Variants in RNF126 observed in about 807,000 individuals in gnomAD.
RNF126 encodes the protein E3 ubiquitin-protein ligase RNF126.
RNF126 carries 20 observed loss-of-function variants against 41.9 expected under a neutral mutation model. That is an observed-to-expected ratio of 0.48 (90% CI 0.34 to 0.69). The LOEUF (loss-of-function observed/expected upper bound fraction) is 0.69. RNF126 is among the 30% of genes least tolerant of loss of function. RNF126 has a pLI of 0.01. For missense variants in RNF126, 433 were observed against 460.6 expected, an observed-to-expected ratio of 0.94 and a Z score of 0.55; for synonymous variants, 239 against 202.9, an observed-to-expected ratio of 1.18 and a Z score of -1.51.
Position 659,397 on chromosome 19 carries a change from C to T in RNF126, c.75+3650G>A, listed in dbSNP as rs374348740. 6.6e-6 allele frequency among the ~76,000 whole-genome samples: 1 copy of T among 152,148 alleles called. No homozygotes were observed. Among genetic ancestry groups the T allele is most frequent in the Admixed American group, 6.5e-5 (1 of 15,284 alleles). ...ACCGTGGGCGGCAGGGCCCAGCACC[C>T]CCACCGTCCTCTCACCGCCACTTGG... On this transcript the variant is annotated intron_variant, in intron 1 of 8. Coordinates refer to ENST00000292363, the MANE Select transcript of RNF126 (RefSeq NM_194460.3). This position sits in a 1 kb window ranked among gnomAD's most constrained non-coding sequence, Gnocchi z 4.9.
chr19:655,730 C>G (rs372731683), intron 1 of RNF126, among the ~76,000 whole-genome samples: 1 of 152,094 alleles, frequency 6.6e-6, no homozygotes, highest in East Asian at 1.9e-4. Flanking sequence ...ACCTGCCCAC[C>G]AAATGTTCAC....
Position 648,364 on chromosome 19 carries a change from G to GGCCC in RNF126, c.786+7_786+8insGGGC. 1 of 510,398 alleles carries GGCCC rather than the reference G, an allele frequency of 2.0e-6. No homozygotes were observed. The highest frequency in any genetic ancestry group is 3.6e-6 in the Non-Finnish European group (1 of 278,282). 31.6% of individuals were successfully genotyped at this position (510,398 alleles called of 1,614,324 possible). ...CGGGGTGGGGGGGCGGGTGGGCGGG[G>GGCCC]CACTCACCTGCTCCAGCCAGGGCAC... On this transcript the variant is annotated splice_region_variant and intron_variant, in intron 8 of 8. Transcript: ENST00000292363.
chr19:652,535 AG>A (rs900450646), intron 2 of RNF126: 20 of 602,110 alleles, frequency 3.3e-5, no homozygotes, highest in Non-Finnish European at 5.0e-5. Flanking sequence ...GAATGTGGGT[AG>A]GGCCCCCGTG....
At chr19:662,075 T>C (rs951136896) in intron 1 of RNF126, among the ~76,000 whole-genome samples, 5 of 152,126 alleles carry the variant, frequency 3.3e-5, no homozygotes, top group African/African-American at 1.2e-4. Context: ...TCCCAGCGTT[T>C]TGGGAGGCTG....
Position 659,703 on chromosome 19 carries a change from A to ACACGCCC in RNF126, c.75+3337_75+3343dup, listed in dbSNP as rs2030712362. On this transcript the variant is annotated intron_variant, in intron 1 of 8. Coordinates refer to ENST00000292363, the MANE Select transcript of RNF126 (RefSeq NM_194460.3). The surrounding 1 kb of genome is among the most constrained non-coding windows in gnomAD (Gnocchi z 4.9). ...GCTGGCCTGTCTGGTTCCTGCCGCC[A>ACACGCCC]CACGCCCCACTCTGGCTGACGCTCC... Among the ~76,000 whole-genome samples, 1 of 150,444 alleles carries ACACGCCC rather than the reference A, an allele frequency of 6.6e-6. No homozygotes were observed. Among genetic ancestry groups the ACACGCCC allele is most frequent in the Non-Finnish European group, 1.5e-5 (1 of 67,784 alleles).
At chr19:657,666 C>T (rs3787004) in intron 1 of RNF126, among the ~76,000 whole-genome samples, 59,033 of 152,158 alleles carry the variant, frequency 0.39, 13,620 homozygotes, top group Middle Eastern at 0.54. Flanking sequence ...ATCTGAAATC[C>T]GGGTGCCATC....
intron 1 of RNF126, among the ~76,000 whole-genome samples, chr19:661,728 G>C (rs574827867): frequency 6.6e-6 from 1 of 152,172 alleles, no homozygotes; most frequent in African/African-American, 2.4e-5. Context: ...CTGCTTCTGG[G>C]GGGCTTGGAC....
intron 6 of RNF126, 45 bp downstream of exon 6, chr19:649,634 C>T: frequency 6.7e-7 from 1 of 1,491,242 alleles, no homozygotes; most frequent in Non-Finnish European, 9.1e-7. Flanking sequence ...GGTGGGCAGC[C>T]CAGCCCTCCC....
chr19:658,786 C>T (rs1190251406), intron 1 of RNF126, among the ~76,000 whole-genome samples: 1 of 152,232 alleles, frequency 6.6e-6, no homozygotes, highest in Non-Finnish European at 1.5e-5. Context: ...CGAACTCTGC[C>T]TTCTTCTTCC....
At chr19:652,566 T>TTA in intron 2 of RNF126, 1 of 604,142 alleles carries the variant, frequency 1.7e-6, no homozygotes, top group East Asian at 2.8e-5. Flanking sequence ...CCGGAGGGCC[T>TTA]GGGTCACCAG....
chr19:652,883 T>C lies in RNF126; in HGVS notation c.77A>G (p.Asp26Gly). The change falls in exon 2 of 9, where the codon GAT (aspartate) becomes GGT (glycine). Residue 26 changes from aspartate to glycine, a missense_variant and splice_region_variant. By Grantham distance (94) the Asp-to-Gly change is moderately conservative. This residue lies in a region of RNF126 where 247 missense variants were observed against 224.7 expected (regional missense o/e 1.10). Transcript: ENST00000292363. ...AGACTCGCATCTTGGACAGATATAA[T>C]CCTGCAGGAGAGAACAGGAGGCCGG... ...CSVEIVPRLP[D>G]YICPRCESGF... is the part of the protein sequence containing the mutation. 1 of 1,612,466 alleles carries C rather than the reference T, an allele frequency of 6.2e-7. No homozygotes were observed. Among genetic ancestry groups the C allele is most frequent in the Non-Finnish European group, 8.5e-7 (1 of 1,179,486 alleles).
At chr19:650,890 C>T (rs2030243922) in intron 4 of RNF126, among the ~76,000 whole-genome samples, 2 of 152,076 alleles carry the variant, frequency 1.3e-5, no homozygotes, top group Admixed American at 1.3e-4. Context: ...CCTCACCCAG[C>T]CTCAGCTACT....
intron 5 of RNF126, 150 bp downstream of exon 5, chr19:650,084 C>T (rs1336255551): frequency 1.4e-6 from 1 of 718,240 alleles, no homozygotes; most frequent in South Asian, 1.8e-5. Context: ...ACAGGCACCC[C>T]CTCCTACTCA....
At chr19:652,772 A>G (rs1470944631) in intron 2 of RNF126, 54 bp downstream of exon 2, 2 of 1,554,520 alleles carry the variant, frequency 1.3e-6, no homozygotes, top group South Asian at 1.1e-5. Flanking sequence ...ACACCCCTAC[A>G]ACAGCTGAGG....
rs61754469 is a variant in RNF126, at chr19:651,684, C to T, written c.370G>A (p.Ala124Thr). 0.019 allele frequency: 29,377 copies of T among 1,580,390 alleles called. 340 individuals are homozygous for T. Among genetic ancestry groups the T allele is most frequent in the Non-Finnish European group, 0.022 (25,369 of 1,165,368 alleles). The stretch of plus-strand genomic sequence containing the variant: ...GTGAGGCGGGCGCGGGGCTGTCGGG[C>T]GCCGTACCGGTGCCGGGACGGATGG... ...RDHPSRHRYG[A>T]RQPRARLTTR... The change falls in exon 4 of 9, where the codon GCC (alanine) becomes ACC (threonine). Residue 124 changes from alanine to threonine, a missense_variant. Physicochemically the swap from Ala to Thr is moderately conservative, Grantham distance 58. Around this residue, in one of 5 missense-constraint regions of RNF126, gnomAD observed 247 missense variants for 224.7 expected, o/e 1.10. Coordinates refer to ENST00000292363, the MANE Select transcript of RNF126 (RefSeq NM_194460.3).
rs947448445 is a variant in RNF126, at chr19:650,310, C to T, written c.444-14G>A. On this transcript the variant is annotated splice_polypyrimidine_tract_variant and intron_variant, in intron 4 of 8. Transcript: ENST00000292363. ...TGCTGGATGATCCTGGAAAAGAGAGCGCCAGTCACGGGGTGAGGCCGCCCC... is the reference window on the plus strand; with the variant it reads ...TGCTGGATGATCCTGGAAAAGAGAGTGCCAGTCACGGGGTGAGGCCGCCCC... 21 of 1,570,690 alleles carry T rather than the reference C, an allele frequency of 1.3e-5. No individual in the cohort carries two copies. Among genetic ancestry groups the T allele is most frequent in the Non-Finnish European group, 1.6e-5 (19 of 1,158,086 alleles).
chr19:648,953 G>A lies in RNF126; in HGVS notation c.599C>T (p.Thr200Ile). Reference protein sequence around the residue: ...ITQLLNQFENTGPPPADKEKI... With the variant: ...ITQLLNQFENIGPPPADKEKI... Reference sequence around the variant, plus strand: ...CTCTTTATCTGCCGGTGGGGGGCCTGTGTTTTCAAACTGATTGAGGAGCTG... The same window carrying A: ...CTCTTTATCTGCCGGTGGGGGGCCTATGTTTTCAAACTGATTGAGGAGCTG... Residue 200 changes from threonine (T) to isoleucine (I), a missense_variant, in exon 7 of 9, where the codon ACA (threonine) becomes ATA (isoleucine). By Grantham distance (89) the Thr-to-Ile change is moderately conservative (BLOSUM62 -1). Coordinates refer to ENST00000292363, the MANE Select transcript of RNF126 (RefSeq NM_194460.3). 1.4e-6 allele frequency: 2 copies of A among 1,427,834 alleles called. No individual in the cohort carries two copies. Among genetic ancestry groups the A allele is most frequent in the South Asian group, 3.5e-5 (2 of 56,698 alleles). 88.4% of individuals were successfully genotyped at this position (1,427,834 alleles called of 1,614,324 possible). A position where few individuals can be genotyped will look rare whatever the true frequency, so the allele number is the denominator to read the frequency against.
At chr19:654,500 G>T (rs552184077) in intron 1 of RNF126, among the ~76,000 whole-genome samples, 1 of 148,068 alleles carries the variant, frequency 6.8e-6, no homozygotes, top group Admixed American at 6.7e-5. Context: ...AAAATTAGCC[G>T]GGTGTGGTGG....
At chr19:655,717 G>A (rs1406248059) in intron 1 of RNF126, among the ~76,000 whole-genome samples, 1 of 152,144 alleles carries the variant, frequency 6.6e-6, no homozygotes, top group Non-Finnish European at 1.5e-5. Context: ...GAGAAACGAA[G>A]ACACCTGCCC....
Sources: allele counts gnomAD v4.1 joint callset (sites outside exome capture counted in the v4.1 genomes callset), GRCh38; gene constraint gnomAD v4.1.1; regional missense constraint gnomAD v4.1.1; non-coding constraint Gnocchi (gnomAD v3.1); transcripts MANE v1.5; gene names NCBI Gene and HGNC (gene_info 2026-07-23, HGNC 2026-07-21).